DLC1: variants seen among roughly 807,000 people sequenced by gnomAD.
The protein encoded by DLC1 is rho GTPase-activating protein 7.
A neutral mutation model predicts 140.3 loss-of-function variants in DLC1; 54 were observed. The observed-to-expected ratio is 0.38, with a 90% CI of 0.31 to 0.48. DLC1 has a LOEUF of 0.48. Among genes scored for constraint, DLC1 ranks in the 20% least tolerant of loss-of-function variants. The pLI, the probability that DLC1 is intolerant of heterozygous loss-of-function variation, is 0.96. For synonymous variants in DLC1, 986 were observed against 728.1 expected, an observed-to-expected ratio of 1.35 and a Z score of -5.70; for missense variants, 2,536 against 1,907.0, an observed-to-expected ratio of 1.33 and a Z score of -6.14.
chr8:13,412,887 G>C (rs904035239), intron 2 of DLC1, among the ~76,000 whole-genome samples: 4 of 142,474 alleles, frequency 2.8e-5, no homozygotes, highest in African/African-American at 7.7e-5. Context: ...AGCTGAGATC[G>C]TGCCACTGCA....
intron 5 of DLC1, among the ~76,000 whole-genome samples, chr8:13,166,944 A>T (rs954311562): frequency 5.9e-5 from 9 of 152,140 alleles, no homozygotes; most frequent in African/African-American, 1.9e-4. Context: ...AAGCTTCCTG[A>T]GAGACGGACC....
At chr8:13,118,206 A>T (rs1048664579) in intron 5 of DLC1, among the ~76,000 whole-genome samples, 1 of 152,030 alleles carries the variant, frequency 6.6e-6, no homozygotes. Context: ...CCTGTCTAAC[A>T]AATAAAATGA....
At chr8:13,113,807 T>C (rs766552548) in intron 6 of DLC1, among the ~76,000 whole-genome samples, 25 of 152,168 alleles carry the variant, frequency 1.6e-4, no homozygotes, top group Non-Finnish European at 2.8e-4. Flanking sequence ...TCAAAAGAAA[T>C]TGGAGATATT....
intron 2 of DLC1, among the ~76,000 whole-genome samples, chr8:13,470,242 T>C (rs1303018007): frequency 1.3e-5 from 2 of 152,258 alleles, no homozygotes; most frequent in African/African-American, 4.8e-5. Context: ...CTCAAAGGGC[T>C]TTTATTTTTA....
chr8:13,488,197 A>T (rs1039939116), intron 2 of DLC1, among the ~76,000 whole-genome samples: 3 of 152,238 alleles, frequency 2.0e-5, no homozygotes, highest in African/African-American at 7.2e-5. Context: ...TCCGTACATG[A>T]TTCTTATGTA....
chr8:13,333,916 A>G (rs1833705128), intron 4 of DLC1, among the ~76,000 whole-genome samples: 2 of 152,188 alleles, frequency 1.3e-5, no homozygotes, highest in African/African-American at 4.8e-5. Context: ...CAGACACCTT[A>G]TACATACTGG....
At chr8:13,248,299 G>GC (rs1829849835) in intron 5 of DLC1, among the ~76,000 whole-genome samples, 2 of 152,138 alleles carry the variant, frequency 1.3e-5, no homozygotes, top group African/African-American at 4.8e-5. Context: ...TCCTATTGGA[G>GC]ACTTGGCTTC....
At chr8:13,350,156 T>C (rs1834573501) in intron 4 of DLC1, among the ~76,000 whole-genome samples, 1 of 152,160 alleles carries the variant, frequency 6.6e-6, no homozygotes, top group Non-Finnish European at 1.5e-5. Flanking sequence ...AGGACAAAAA[T>C]AATACATGCC....
rs148115465 is a variant in DLC1, at chr8:13,414,367, T to C, written c.1024-12748A>G. On this transcript the variant is annotated intron_variant, in intron 2 of 17. Transcript: ENST00000276297. ...AATTTATCTTTGCCAGTACAACTAA[T>C]GCACAGCTAATTTTGTTGAGAACTT... 3.5e-3 allele frequency among the ~76,000 whole-genome samples: 532 copies of C among 152,338 alleles called. 2 individuals carry two copies. The highest frequency in any genetic ancestry group is 0.012 in the African/African-American group (513 of 41,590).
intron 2 of DLC1, among the ~76,000 whole-genome samples, chr8:13,444,645 C>T (rs946030532): frequency 1.1e-4 from 17 of 152,156 alleles, no homozygotes; most frequent in Admixed American, 7.2e-4. Flanking sequence ...GGCTACAGTA[C>T]TACTCTTTTC....
intron 2 of DLC1, among the ~76,000 whole-genome samples, chr8:13,455,350 A>G (rs1799334122): frequency 6.6e-6 from 1 of 152,072 alleles, no homozygotes; most frequent in Non-Finnish European, 1.5e-5. Flanking sequence ...TCCTCTCCTC[A>G]AAGCACTCCA....
At position 13,243,901 on chromosome 8, in the gene DLC1, G is replaced by A. The variant is rs190318153; in HGVS notation, c.1348+61368C>T. ...TGACTGTCCCTCTCTCTTAAGTTTA[G>A]ACTCATATATGCACCTGTCCTGGGG... is the stretch of plus-strand genomic sequence containing the variant. On this transcript the variant is annotated intron_variant, in intron 5 of 17. Coordinates refer to ENST00000276297, the MANE Select transcript of DLC1 (RefSeq NM_182643.3). Among the ~76,000 whole-genome samples, 4 of 152,166 alleles carry A rather than the reference G, an allele frequency of 2.6e-5. No individual in the cohort carries two copies. In the East Asian group the frequency reaches 7.7e-4, roughly 29 times the overall value.
intron 5 of DLC1, among the ~76,000 whole-genome samples, chr8:13,174,062 G>A (rs139893475): frequency 4.0e-4 from 60 of 151,848 alleles, no homozygotes; most frequent in African/African-American, 1.3e-3. Context: ...TTTCCTTTAC[G>A]TCCACATGTA....
chr8:13,387,097 A>T (rs1308088738), intron 4 of DLC1, among the ~76,000 whole-genome samples: 1 of 152,030 alleles, frequency 6.6e-6, no homozygotes, highest in Non-Finnish European at 1.5e-5. Flanking sequence ...CTTCCCTTAA[A>T]AATTCCATGT....
intron 5 of DLC1, among the ~76,000 whole-genome samples, chr8:13,227,240 C>T (rs1036832961): frequency 6.6e-6 from 1 of 152,220 alleles, no homozygotes; most frequent in African/African-American, 2.4e-5. Flanking sequence ...TGTAGTCTCA[C>T]CTAGTGACTA....
At chr8:13,394,627 A>G (rs1384827549) in intron 3 of DLC1, among the ~76,000 whole-genome samples, 2 of 152,198 alleles carry the variant, frequency 1.3e-5, no homozygotes, top group African/African-American at 4.8e-5. Flanking sequence ...GAAAACTATG[A>G]TTTAAATATC....
At chr8:13,399,513 C>T (rs1229152060) in intron 3 of DLC1, among the ~76,000 whole-genome samples, 1 of 152,204 alleles carries the variant, frequency 6.6e-6, no homozygotes, top group Non-Finnish European at 1.5e-5. Context: ...AAGCTTAGCA[C>T]TCACTAAATA....
chr8:13,429,755 C>G (rs932054482), intron 2 of DLC1, among the ~76,000 whole-genome samples: 1 of 152,094 alleles, frequency 6.6e-6, no homozygotes, highest in African/African-American at 2.4e-5. Context: ...ATTCTTCTTG[C>G]TCAGAAAGAC....
chr8:13,389,883 T>A (rs1485598801), intron 4 of DLC1, among the ~76,000 whole-genome samples: 1 of 152,082 alleles, frequency 6.6e-6, no homozygotes, highest in Non-Finnish European at 1.5e-5. Flanking sequence ...GAGCAGAGGG[T>A]TAGTTCATTA....
Sources: gnomAD v4.1 joint callset for allele counts (sites outside exome capture counted in the v4.1 genomes callset) on GRCh38, gnomAD v4.1.1 for gene constraint, MANE v1.5 for transcripts, NCBI Gene and HGNC (gene_info 2026-07-23, HGNC 2026-07-21) for gene names.